SLC30A9: variants seen among roughly 807,000 people sequenced by gnomAD.
SLC30A9 encodes the protein proton-coupled zinc antiporter SLC30A9, mitochondrial.
Under a neutral mutation model 87.5 loss-of-function variants are expected in SLC30A9, and 58 were observed. The observed-to-expected ratio is 0.66, with a 90% CI of 0.54 to 0.82. The LOEUF is 0.82. Ranked by LOEUF, SLC30A9 falls within the 40% of genes least tolerant of loss-of-function variation. The pLI is 0.00. For missense variants in SLC30A9, 557 were observed against 679.1 expected (o/e 0.82, Z 2.00); for synonymous variants, 234 against 233.0 (o/e 1.00, Z -0.04).
rs1717012096 is a variant in SLC30A9, at chr4:42,043,650, A to G, written c.737+4597A>G. 2.6e-5 allele frequency among the ~76,000 whole-genome samples: 4 copies of G among 152,346 alleles called. No individual in the cohort carries two copies. In the South Asian group the frequency reaches 8.3e-4, roughly 32 times the overall value. On this transcript the variant is annotated intron_variant, in intron 8 of 17. Transcript: ENST00000264451. ...ACCAAGTTGGAAAACACTCTTCAGG[A>G]GATTATCCAGGAGAACTTCCCCAAC...
At chr4:41,996,235 A>G (rs1479803589) in intron 1 of SLC30A9, among the ~76,000 whole-genome samples, 1 of 151,618 alleles carries the variant, frequency 6.6e-6, no homozygotes, top group Non-Finnish European at 1.5e-5. Flanking sequence ...AGCTGGGATT[A>G]CAGGTGTTAG....
At chr4:42,032,183 A>G (rs1716473016) in intron 6 of SLC30A9, among the ~76,000 whole-genome samples, 1 of 152,138 alleles carries the variant, frequency 6.6e-6, no homozygotes, top group African/African-American at 2.4e-5. Context: ...TAAATCATTC[A>G]TGAGAATTCA....
At chr4:42,071,028 C>A (rs1029156892) in intron 15 of SLC30A9, among the ~76,000 whole-genome samples, 1 of 152,120 alleles carries the variant, frequency 6.6e-6, no homozygotes, top group South Asian at 2.1e-4. Context: ...ATTGCAATTA[C>A]AAATTGAATA....
At chr4:42,077,682 AT>A (rs1187677754) in intron 16 of SLC30A9, among the ~76,000 whole-genome samples, 2 of 152,198 alleles carry the variant, frequency 1.3e-5, no homozygotes, top group East Asian at 3.9e-4. Context: ...ACTTGTATAT[AT>A]GCAATTATTT....
chr4:42,004,207 T>C (rs1715102523), intron 2 of SLC30A9, among the ~76,000 whole-genome samples: 1 of 152,240 alleles, frequency 6.6e-6, no homozygotes, highest in Non-Finnish European at 1.5e-5. Context: ...ATTTTTTCTA[T>C]TTGACAGCAT....
intron 1 of SLC30A9, among the ~76,000 whole-genome samples, chr4:41,998,665 T>G (rs1714846239): frequency 6.6e-6 from 1 of 151,976 alleles, no homozygotes; most frequent in Non-Finnish European, 1.5e-5. Flanking sequence ...GGGGTTTCAC[T>G]ATGTTGGCCA....
intron 9 of SLC30A9, among the ~76,000 whole-genome samples, chr4:42,057,257 C>T (rs1306273546): frequency 1.3e-5 from 2 of 152,182 alleles, no homozygotes; most frequent in Non-Finnish European, 2.9e-5. Flanking sequence ...TCCCACCCCA[C>T]ATTTCCCTTA....
chr4:42,032,951 T>C (rs1252929056), intron 6 of SLC30A9, among the ~76,000 whole-genome samples: 1 of 152,186 alleles, frequency 6.6e-6, no homozygotes, highest in Non-Finnish European at 1.5e-5. Context: ...TCTACACACA[T>C]AGAGAATAAA....
chr4:42,023,587 A>T (rs1716066111), intron 6 of SLC30A9, among the ~76,000 whole-genome samples: 1 of 152,220 alleles, frequency 6.6e-6, no homozygotes, highest in African/African-American at 2.4e-5. Flanking sequence ...CTTTTTGAAG[A>T]TGATGAGAGG....
chr4:42,087,790 CT>C lies in SLC30A9; in HGVS notation c.*1670del, dbSNP rs1378014128. 1 of 151,306 alleles carries C rather than the reference CT, an allele frequency of 6.6e-6. No individual in the cohort carries two copies. Among genetic ancestry groups the C allele is most frequent in the African/African-American group, 2.4e-5 (1 of 41,218 alleles). The allele number at this position is 151,306 out of a possible 1,614,324, so 9.4% of individuals were successfully genotyped here. The stretch of plus-strand genomic sequence containing the variant: ...TTTACCTGTTATGATTTATTCTATA[CT>C]TTTTTCTTCTTCCTTCCCCTTTCCC... On this transcript the variant is annotated 3_prime_UTR_variant, in exon 18 of 18. Coordinates refer to ENST00000264451, the MANE Select transcript of SLC30A9 (RefSeq NM_006345.4).
At position 42,057,518 on chromosome 4, in the gene SLC30A9, C is replaced by T. The variant is rs544439379; in HGVS notation, c.841-2673C>T. 9.2e-5 allele frequency among the ~76,000 whole-genome samples: 14 copies of T among 152,300 alleles called. No homozygotes were observed. The South Asian group carries it at 2.9e-3, about 32-fold the overall frequency. On this transcript the variant is annotated intron_variant, in intron 9 of 17. Coordinates refer to ENST00000264451, the MANE Select transcript of SLC30A9 (RefSeq NM_006345.4). ...AATCACAGCTGGAGCAGCTGGGATG[C>T]AAGGCACTAAGCTCCCAGACTGCAC...
intron 15 of SLC30A9, 147 bp downstream of exon 15, chr4:42,070,838 G>A: frequency 1.8e-6 from 1 of 557,248 alleles, no homozygotes; most frequent in South Asian, 4.4e-5. Flanking sequence ...TTATAATCCT[G>A]GAAGTAAGAA....
In SLC30A9 at chr4:42,075,636, A is replaced by G. The variant is rs981260376; in HGVS notation, c.1419-21A>G. ...TGTATGTATGTATAAATAAATTTGT[A>G]TGCATTGTTATTGATTGCAGGGCAA... On this transcript the variant is annotated intron_variant, in intron 15 of 17. Coordinates refer to ENST00000264451, the MANE Select transcript of SLC30A9 (RefSeq NM_006345.4). 1.4e-5 allele frequency: 23 copies of G among 1,605,212 alleles called. No individual in the cohort carries two copies. The Admixed American group carries it at 2.3e-4, about 16-fold the overall frequency.
chr4:42,079,456 G>A (rs2153141356), intron 17 of SLC30A9, among the ~76,000 whole-genome samples: 1 of 152,030 alleles, frequency 6.6e-6, no homozygotes, highest in East Asian at 1.9e-4. Context: ...ACCATGCCCA[G>A]CTAATTTTTG....
At chr4:42,022,065 A>G (rs1164146009) in intron 4 of SLC30A9, among the ~76,000 whole-genome samples, 1 of 74,768 alleles carries the variant, frequency 1.3e-5, no homozygotes, top group Non-Finnish European at 3.9e-5. Context: ...CCTCCCGAGT[A>G]GCTGGGACTA....
chr4:42,064,886 G>T (rs954599721), intron 11 of SLC30A9, among the ~76,000 whole-genome samples: 3 of 151,744 alleles, frequency 2.0e-5, no homozygotes, highest in Admixed American at 6.6e-5. Flanking sequence ...AAAAAAATGT[G>T]TTGCTAGGTT....
chr4:42,037,010 G>A (rs1716701756), intron 7 of SLC30A9, among the ~76,000 whole-genome samples: 1 of 152,060 alleles, frequency 6.6e-6, no homozygotes, highest in African/African-American at 2.4e-5. Context: ...TGAAATCTTT[G>A]TTACTTCAGA....
At chr4:42,071,675 CAA>C (rs56891419) in intron 15 of SLC30A9, among the ~76,000 whole-genome samples, 87,499 of 125,354 alleles carry the variant, frequency 0.7, 30,667 homozygotes, top group East Asian at 0.85. Flanking sequence ...AACCCTGTCT[CAA>C]AAAAAAAAAA....
rs1718691698 is a variant in SLC30A9 at position 42,079,879 on chromosome 4, G to T, written c.1662+1554G>T. On this transcript the variant is annotated intron_variant, in intron 17 of 17. Coordinates refer to ENST00000264451, the MANE Select transcript of SLC30A9 (RefSeq NM_006345.4). ...GATGTGCCCACCTCAGCCTCCCAAA[G>T]TGCTGGGATTACAAGCGTGAGCCAC... is the stretch of plus-strand genomic sequence containing the variant. 1.3e-5 allele frequency among the ~76,000 whole-genome samples: 2 copies of T among 152,052 alleles called. 1 individual carries two copies. Among genetic ancestry groups the T allele is most frequent in the South Asian group, 4.1e-4 (2 of 4,826 alleles).
Sources: allele counts gnomAD v4.1 joint callset (sites outside exome capture counted in the v4.1 genomes callset), GRCh38; gene constraint gnomAD v4.1.1; transcripts MANE v1.5; gene names NCBI Gene and HGNC (gene_info 2026-07-23, HGNC 2026-07-21).